MAML2: variants seen among roughly 807,000 people sequenced by gnomAD.
The protein encoded by MAML2 is mastermind like transcriptional coactivator 2, also known as mastermind-like protein 2.
A neutral mutation model predicts 96.1 loss-of-function variants in MAML2; 22 were observed. That is an observed-to-expected ratio of 0.23 (90% CI 0.16 to 0.33). MAML2 has a LOEUF of 0.33. MAML2 is among the 10% of genes least tolerant of loss of function. MAML2 has a pLI of 1.00. For missense variants in MAML2, 1,367 were observed against 1,392.4 expected (o/e 0.98, Z 0.29); for synonymous variants, 561 against 521.3 (o/e 1.08, Z -1.04).
At chr11:96,016,385 T>C (rs1858352909) in intron 2 of MAML2, among the ~76,000 whole-genome samples, 1 of 152,120 alleles carries the variant, frequency 6.6e-6, no homozygotes. Flanking sequence ...CCCATCCTGC[T>C]CCTAGCAGCC....
chr11:96,173,171 T>C (rs1219602658), intron 1 of MAML2, among the ~76,000 whole-genome samples: 2 of 152,200 alleles, frequency 1.3e-5, no homozygotes, highest in Admixed American at 6.5e-5. Flanking sequence ...CCCAGAGCAC[T>C]TGGACACAAG....
chr11:96,009,737 T>C (rs1235270081), intron 2 of MAML2, among the ~76,000 whole-genome samples: 2 of 152,236 alleles, frequency 1.3e-5, no homozygotes, highest in Admixed American at 6.5e-5. Flanking sequence ...AGGGCTGTAC[T>C]GTTTCTATTT....
chr11:96,028,722 GA>G (rs1056702735), intron 2 of MAML2, among the ~76,000 whole-genome samples: 1 of 152,024 alleles, frequency 6.6e-6, no homozygotes, highest in Non-Finnish European at 1.5e-5. Context: ...GGAGAAAGGA[GA>G]AAAAAAGAAA....
Position 96,139,656 on chromosome 11 carries a change from G to A in MAML2, c.514-46139C>T, listed in dbSNP as rs140704665. The stretch of plus-strand genomic sequence containing the variant: ...CTAGAGAAAGGTGATTTGACAGCAG[G>A]AAATCTGACCTCTGGGGCTACCTCT... On this transcript the variant is annotated intron_variant, in intron 1 of 4. Transcript: ENST00000524717. Among the ~76,000 whole-genome samples, 1,439 of 151,908 alleles carry A rather than the reference G, an allele frequency of 9.5e-3. 15 individuals are homozygous for A. Among genetic ancestry groups the A allele is most frequent in the Admixed American group, 0.022 (330 of 15,268 alleles).
At chr11:96,264,998 C>T (rs1862806681) in intron 1 of MAML2, among the ~76,000 whole-genome samples, 1 of 152,124 alleles carries the variant, frequency 6.6e-6, no homozygotes, top group Admixed American at 6.5e-5. Context: ...CAGGAATTAC[C>T]AATACTGAGG....
At chr11:96,311,976 C>T (rs1863547919) in intron 1 of MAML2, among the ~76,000 whole-genome samples, 1 of 152,010 alleles carries the variant, frequency 6.6e-6, no homozygotes, top group Non-Finnish European at 1.5e-5. Flanking sequence ...CTTGGTGGCT[C>T]ACACCTGTAA....
chr11:96,106,257 C>G (rs1047778954), intron 1 of MAML2, among the ~76,000 whole-genome samples: 12 of 152,140 alleles, frequency 7.9e-5, no homozygotes, highest in African/African-American at 2.9e-4. Context: ...GAAAAAAATA[C>G]CACCTCACCT....
chr11:96,029,087 A>G (rs536697467), intron 2 of MAML2, among the ~76,000 whole-genome samples: 2 of 151,902 alleles, frequency 1.3e-5, no homozygotes, highest in South Asian at 2.1e-4. Context: ...AAGTGGATCA[A>G]TTCCTCATTT....
At chr11:96,036,438 A>G (rs907234463) in intron 2 of MAML2, among the ~76,000 whole-genome samples, 12 of 152,174 alleles carry the variant, frequency 7.9e-5, no homozygotes, top group Non-Finnish European at 1.8e-4. Flanking sequence ...GGGAAAGAAC[A>G]CATGATCACC....
chr11:96,132,484 G>C (rs1860563189), intron 1 of MAML2, among the ~76,000 whole-genome samples: 1 of 152,164 alleles, frequency 6.6e-6, no homozygotes, highest in African/African-American at 2.4e-5. Context: ...GTAATTCTTT[G>C]ATTTACATAC....
intron 1 of MAML2, among the ~76,000 whole-genome samples, chr11:96,177,711 A>G (rs530007829): frequency 1.3e-5 from 2 of 152,318 alleles, no homozygotes; most frequent in East Asian, 3.9e-4. Flanking sequence ...TCCTGAAATT[A>G]TTAGCAACTC....
At chr11:96,319,629 A>T (rs1284140427) in intron 1 of MAML2, among the ~76,000 whole-genome samples, 2 of 152,126 alleles carry the variant, frequency 1.3e-5, no homozygotes, top group Non-Finnish European at 1.5e-5. Flanking sequence ...CTACTCATTG[A>T]ATTAGTTATG....
intron 1 of MAML2, among the ~76,000 whole-genome samples, chr11:96,316,879 T>C (rs1283668415): frequency 6.6e-6 from 1 of 151,942 alleles, no homozygotes; most frequent in Admixed American, 6.5e-5. Context: ...ATTCAAGCTA[T>C]GCTTTGAAGA....
At chr11:96,172,244 G>A (rs113748309) in intron 1 of MAML2, among the ~76,000 whole-genome samples, 95 of 152,338 alleles carry the variant, frequency 6.2e-4, no homozygotes, top group African/African-American at 2.3e-3. Context: ...TCAGAATTGA[G>A]TAGTATTTCT....
intron 1 of MAML2, among the ~76,000 whole-genome samples, chr11:96,113,587 C>A (rs529669674): frequency 1.4e-5 from 2 of 145,552 alleles, no homozygotes; most frequent in Non-Finnish European, 3.0e-5. Flanking sequence ...CCTAATGTTT[C>A]TCCATCCCCG....
intron 1 of MAML2, among the ~76,000 whole-genome samples, chr11:96,172,159 G>A (rs1184316075): frequency 6.6e-6 from 1 of 152,214 alleles, no homozygotes; most frequent in Admixed American, 6.5e-5. Context: ...TTATCACATA[G>A]TTGGTGCTCA....
rs34520053 is a variant in MAML2 at position 95,979,913 on chromosome 11, C to G, written c.2506G>C (p.Val836Leu). 10 of 1,613,714 alleles carry G rather than the reference C, an allele frequency of 6.2e-6. No individual in the cohort carries two copies. Among genetic ancestry groups the G allele is most frequent in the Admixed American group, 3.3e-5 (2 of 59,994 alleles). Residue 836 changes from valine (V) to leucine (L), a missense_variant, in exon 5 of 5, where the codon GTT (valine) becomes CTT (leucine). By Grantham distance (32) the Val-to-Leu change is conservative. Transcript: ENST00000524717. The stretch of plus-strand genomic sequence containing the variant: ...GGAGTTAAAATGGTGTGTGTTGAAA[C>G]TGGGTTTGCCAAAGCCTGGTTAGAG... ...LNSNQALANP[V>L]STHTILTPNS...
intron 1 of MAML2, among the ~76,000 whole-genome samples, chr11:96,122,492 G>T (rs11021440): frequency 1.2e-5 from 1 of 84,460 alleles, no homozygotes; most frequent in Non-Finnish European, 2.4e-5. Context: ...AAATCTTTTA[G>T]GCTGGGTGTG....
chr11:96,267,553 C>G (rs1417311725), intron 1 of MAML2, among the ~76,000 whole-genome samples: 4 of 152,362 alleles, frequency 2.6e-5, no homozygotes, highest in Middle Eastern at 3.4e-3. Context: ...CTAATGCTTA[C>G]CGCACATGGT....
Sources: allele counts gnomAD v4.1 joint callset (sites outside exome capture counted in the v4.1 genomes callset), GRCh38; gene constraint gnomAD v4.1.1; transcripts MANE v1.5; gene names NCBI Gene and HGNC (gene_info 2026-07-23, HGNC 2026-07-21).